CPD: variants seen among roughly 807,000 people sequenced by gnomAD.
CPD encodes carboxypeptidase D.
Under a neutral mutation model 138.3 loss-of-function variants are expected in CPD, and 69 were observed. That is an observed-to-expected ratio of 0.50 (90% CI 0.41 to 0.61). The LOEUF (loss-of-function observed/expected upper bound fraction) is 0.61. Ranked by LOEUF, CPD falls within the 20% of genes least tolerant of loss-of-function variation. The probability of loss-of-function intolerance (pLI) is 0.00; values close to 1 mark genes in which losing one functional copy is unlikely to be tolerated. For synonymous variants in CPD, 651 were observed against 642.1 expected (o/e 1.01, Z -0.21); for missense variants, 1,432 against 1,733.3 (o/e 0.83, Z 3.09).
At chr17:30,406,600 T>C (rs1911805369) in intron 2 of CPD, among the ~76,000 whole-genome samples, 1 of 152,162 alleles carries the variant, frequency 6.6e-6, no homozygotes, top group Admixed American at 6.5e-5. Flanking sequence ...TAGTATTTCT[T>C]AAATTGCTGC....
At chr17:30,425,668 AAAAAC>A (rs966716961) in intron 6 of CPD, among the ~76,000 whole-genome samples, 1 of 152,002 alleles carries the variant, frequency 6.6e-6, no homozygotes, top group Non-Finnish European at 1.5e-5. Flanking sequence ...AAAAAAAAAA[AAAAAC>A]AAATAGAGTT....
intron 6 of CPD, among the ~76,000 whole-genome samples, chr17:30,425,380 C>T (rs111849020): frequency 4.6e-5 from 7 of 152,056 alleles, no homozygotes; most frequent in East Asian, 1.9e-4. Context: ...CCTGGCCAGG[C>T]GTGGTGGCTC....
chr17:30,444,476 G>A (rs1421055449), intron 11 of CPD, among the ~76,000 whole-genome samples: 2 of 150,264 alleles, frequency 1.3e-5, no homozygotes, highest in Non-Finnish European at 3.0e-5. Flanking sequence ...CTAAATACAG[G>A]TAAGCCCAAA....
intron 2 of CPD, among the ~76,000 whole-genome samples, chr17:30,419,759 G>GGAGT (rs1484906302): frequency 4.6e-5 from 7 of 152,216 alleles, no homozygotes; most frequent in Non-Finnish European, 1.0e-4. Flanking sequence ...AATGCCAAAG[G>GGAGT]GAGTGAGTGG....
chr17:30,449,692 T>C lies in CPD; in HGVS notation c.3013T>C (p.Leu1005=). ...TGCGCCAGTTGGAACTGAACTGCTT[T>C]TGGCTCTGGCAGAATTTCTCTGCCT... ...GNAPVGTELL[L]ALAEFLCLNY... is the part of the protein sequence containing the mutation. Residue 1005 remains leucine (L), a synonymous_variant, in exon 13 of 21, where the codon TTG becomes CTG. Transcript: ENST00000225719. 1 of 1,596,120 alleles carries C rather than the reference T, an allele frequency of 6.3e-7. No homozygotes were observed. The highest frequency in any genetic ancestry group is 8.5e-7 in the Non-Finnish European group (1 of 1,175,630).
chr17:30,411,543 G>A (rs1251929801), intron 2 of CPD, among the ~76,000 whole-genome samples: 1 of 152,078 alleles, frequency 6.6e-6, no homozygotes, highest in Admixed American at 6.6e-5. Context: ...ATTTCTTGGA[G>A]GCTTTTTTCG....
chr17:30,420,772 T>C (rs1292738702), intron 2 of CPD, 69 bp from the exon 3 acceptor site: 2 of 1,403,448 alleles, frequency 1.4e-6, no homozygotes, highest in South Asian at 1.4e-5. Flanking sequence ...GCTGATTTAA[T>C]TTCTTCAGTC....
chr17:30,382,504 T>G (rs1275779143), intron 1 of CPD, among the ~76,000 whole-genome samples: 1 of 152,230 alleles, frequency 6.6e-6, no homozygotes, highest in East Asian at 1.9e-4. Flanking sequence ...AGCATAATCT[T>G]ACAGCCATTG....
intron 13 of CPD, 33 bp downstream of exon 13, chr17:30,449,781 A>G (rs1913118920): frequency 6.6e-7 from 1 of 1,522,292 alleles, no homozygotes; most frequent in Non-Finnish European, 8.8e-7. Context: ...CATGCTTTAA[A>G]AGGAAAAAGC....
At chr17:30,383,593 A>G in intron 1 of CPD, among the ~76,000 whole-genome samples, 1 of 152,204 alleles carries the variant, frequency 6.6e-6, no homozygotes, top group South Asian at 2.1e-4. Context: ...CTAGTGTTTA[A>G]TCAGTGTCCT....
chr17:30,456,344 T>C lies in CPD; in HGVS notation c.3426T>C (p.Asn1142=). 3.1e-6 allele frequency: 5 copies of C among 1,614,154 alleles called. No individual in the cohort carries two copies. The highest frequency in any genetic ancestry group is 1.1e-5 in the South Asian group (1 of 91,088). ...ACATGGGTCAGCCCAGTTGCCCAAA[T>C]AAATCAGGTAGATGTTTTCCATACC... ...SMHMGQPSCP[N]KSDENIPGGV... The change falls in exon 16 of 21, where the codon AAT becomes AAC. Residue 1142 remains asparagine, a synonymous_variant. Coordinates refer to ENST00000225719, the MANE Select transcript of CPD (RefSeq NM_001304.5).
chr17:30,408,928 C>T (rs1911881858), intron 2 of CPD, among the ~76,000 whole-genome samples: 1 of 151,894 alleles, frequency 6.6e-6, no homozygotes, highest in South Asian at 2.1e-4. Flanking sequence ...AAAACTGGCA[C>T]AGTATTCTTG....
chr17:30,405,062 T>C (rs1220242117), intron 2 of CPD, among the ~76,000 whole-genome samples: 1 of 152,134 alleles, frequency 6.6e-6, no homozygotes, highest in African/African-American at 2.4e-5. Flanking sequence ...TGGGTCTCAA[T>C]CAATTTAGAA....
At position 30,379,715 on chromosome 17, in the gene CPD, C is replaced by G. The variant is rs774739325; in HGVS notation, c.735C>G (p.Ile245Met). Reference protein sequence around the residue: ...VPEVRALIEWIRRNKFVLSGN... With the variant: ...VPEVRALIEWMRRNKFVLSGN... ...AGGTGCGCGCCCTCATCGAGTGGAT[C>G]CGCAGGAACAAGTGAGTGTTGCCTG... Residue 245 changes from isoleucine (I) to methionine (M), a missense_variant, in exon 1 of 21, where the codon ATC becomes ATG. Around this residue, in one of 6 missense-constraint regions of CPD, gnomAD observed 484 missense variants for 477.2 expected, o/e 1.01. Coordinates refer to ENST00000225719, the MANE Select transcript of CPD (RefSeq NM_001304.5). The surrounding 1 kb of genome is among the most constrained non-coding windows in gnomAD (Gnocchi z 7.0). 6.7e-6 allele frequency: 10 copies of G among 1,494,722 alleles called. No individual in the cohort carries two copies. In the East Asian group the frequency reaches 2.6e-4, roughly 39 times the overall value. 92.6% of individuals were successfully genotyped at this position (1,494,722 alleles called of 1,614,324 possible).
At chr17:30,442,988 T>C (rs1026408449) in intron 10 of CPD, among the ~76,000 whole-genome samples, 6 of 145,770 alleles carry the variant, frequency 4.1e-5, no homozygotes, top group Non-Finnish European at 9.0e-5. Flanking sequence ...TCCTGAGTGG[T>C]GTGACATAAA....
intron 8 of CPD, among the ~76,000 whole-genome samples, chr17:30,435,560 A>G (rs1272136111): frequency 6.6e-6 from 1 of 152,214 alleles, no homozygotes; most frequent in Non-Finnish European, 1.5e-5. Flanking sequence ...TAAAACTAAG[A>G]AAAAATAGGA....
intron 14 of CPD, among the ~76,000 whole-genome samples, chr17:30,452,721 C>T (rs1277967565): frequency 6.6e-6 from 1 of 151,458 alleles, no homozygotes; most frequent in Non-Finnish European, 1.5e-5. Context: ...CTTTCTGAAA[C>T]TCTAATTTTC....
intron 2 of CPD, among the ~76,000 whole-genome samples, chr17:30,401,284 C>CCTCCTCTTT (rs1346431407): frequency 5.3e-5 from 8 of 151,868 alleles, no homozygotes; most frequent in African/African-American, 1.9e-4. Context: ...TCTTCCTTCT[C>CCTCCTCTTT]CTCCTCTTTC....
intron 17 of CPD, among the ~76,000 whole-genome samples, chr17:30,460,532 T>G (rs879381608): frequency 6.6e-6 from 1 of 152,046 alleles, no homozygotes; most frequent in Non-Finnish European, 1.5e-5. Flanking sequence ...TCTATAGAGG[T>G]AGAATTGACA....
Sources: allele counts gnomAD v4.1 joint callset (sites outside exome capture counted in the v4.1 genomes callset), GRCh38; gene constraint gnomAD v4.1.1; regional missense constraint gnomAD v4.1.1; non-coding constraint Gnocchi (gnomAD v3.1); transcripts MANE v1.5; gene names NCBI Gene and HGNC (gene_info 2026-07-23, HGNC 2026-07-21).